The following TMPRSS15 variants were observed in gnomAD, a reference collection of about 807,000 sequenced individuals.
TMPRSS15 encodes the protein enteropeptidase.
Under a neutral mutation model 125.3 loss-of-function variants are expected in TMPRSS15, and 128 were observed. The ratio of observed to expected loss-of-function variants is 1.02; its 90% CI spans 0.89 to 1.18. TMPRSS15 has a LOEUF of 1.18. Among genes scored for constraint, TMPRSS15 ranks in the 50% most tolerant of loss-of-function variants. TMPRSS15 has a pLI of 0.00. For missense variants in TMPRSS15, 1,283 were observed against 1,212.7 expected (o/e 1.06, Z -0.86); for synonymous variants, 446 against 423.2 (o/e 1.05, Z -0.66).
At chr21:18,319,275 A>G (rs1446829139) in intron 16 of TMPRSS15, among the ~76,000 whole-genome samples, 1 of 152,118 alleles carries the variant, frequency 6.6e-6, no homozygotes, top group Non-Finnish European at 1.5e-5. Flanking sequence ...AGGAGTAAAT[A>G]CTACTTTTGT....
intron 13 of TMPRSS15, among the ~76,000 whole-genome samples, chr21:18,339,529 T>A (rs1209094411): frequency 6.6e-6 from 1 of 152,102 alleles, no homozygotes; most frequent in East Asian, 1.9e-4. Flanking sequence ...TATAATTTGG[T>A]AAAAGTATTA....
intron 16 of TMPRSS15, among the ~76,000 whole-genome samples, chr21:18,317,514 T>A (rs920209811): frequency 4.2e-4 from 64 of 152,104 alleles, no homozygotes; most frequent in African/African-American, 1.5e-3. Context: ...AATCAATTCC[T>A]AATTGAGTTG....
chr21:18,275,776 A>G (rs141609553), intron 23 of TMPRSS15, among the ~76,000 whole-genome samples: 182 of 152,300 alleles, frequency 1.2e-3, no homozygotes, highest in African/African-American at 3.2e-3. Context: ...TTGTGGTGCT[A>G]TGTGAGTGAG....
intron 17 of TMPRSS15, among the ~76,000 whole-genome samples, chr21:18,314,421 G>A (rs2075135783): frequency 1.3e-5 from 2 of 152,090 alleles, no homozygotes; most frequent in Non-Finnish European, 1.5e-5. Context: ...TGGGATTACA[G>A]GCACCCACCA....
intron 10 of TMPRSS15, 86 bp from the exon 11 acceptor site, chr21:18,344,146 A>C: frequency 8.9e-7 from 1 of 1,119,510 alleles, no homozygotes; most frequent in Non-Finnish European, 1.3e-6. Context: ...AGGAAAGAAA[A>C]ACTTTAAGAA....
intron 1 of TMPRSS15, among the ~76,000 whole-genome samples, chr21:18,458,729 T>C (rs1978490091): frequency 6.6e-6 from 1 of 152,224 alleles, no homozygotes; most frequent in East Asian, 1.9e-4. Context: ...ATAACACCCA[T>C]AGAAGAGAAT....
At chr21:18,310,116 G>A (rs2075083582) in intron 18 of TMPRSS15, among the ~76,000 whole-genome samples, 1 of 152,016 alleles carries the variant, frequency 6.6e-6, no homozygotes, top group Non-Finnish European at 1.5e-5. Flanking sequence ...ATATTAACAG[G>A]AAAAAGTTGA....
chr21:18,417,050 G>C (rs1335683514), intron 1 of TMPRSS15, among the ~76,000 whole-genome samples: 3 of 151,956 alleles, frequency 2.0e-5, no homozygotes, highest in Non-Finnish European at 4.4e-5. Flanking sequence ...TTTTAACTGT[G>C]CTTGAATATC....
At chr21:18,373,964 G>A (rs1218833517) in intron 5 of TMPRSS15, among the ~76,000 whole-genome samples, 1 of 152,202 alleles carries the variant, frequency 6.6e-6, no homozygotes, top group Admixed American at 6.5e-5. Context: ...GAAGCTTCAA[G>A]TTAAGTGGGG....
chr21:18,434,211 T>C (rs990063997), intron 1 of TMPRSS15, among the ~76,000 whole-genome samples: 8 of 152,198 alleles, frequency 5.3e-5, no homozygotes, highest in African/African-American at 1.9e-4. Flanking sequence ...AATCTATACC[T>C]GCAGCTACAT....
intron 13 of TMPRSS15, 43 bp downstream of exon 13, chr21:18,341,370 G>A (rs1177357572): frequency 8.7e-6 from 14 of 1,612,802 alleles, no homozygotes; most frequent in South Asian, 2.2e-5. Context: ...CACACCTGAC[G>A]TTAATGATTT....
At chr21:18,451,384 CT>C (rs763949920) in intron 1 of TMPRSS15, among the ~76,000 whole-genome samples, 77 of 147,942 alleles carry the variant, frequency 5.2e-4, no homozygotes, top group African/African-American at 1.5e-3. Context: ...TTTGTCTGCC[CT>C]TTTTTTTTTG....
chr21:18,429,449 A>G (rs2076211618), intron 1 of TMPRSS15, among the ~76,000 whole-genome samples: 1 of 152,142 alleles, frequency 6.6e-6, no homozygotes, highest in South Asian at 2.1e-4. Flanking sequence ...CTTGAATTAT[A>G]CTCCCATAAT....
Position 18,275,222 on chromosome 21 carries a change from T to A in TMPRSS15, c.2879A>T (p.Glu960Val). The A allele has an allele frequency of 2.5e-6, 4 of 1,614,070 alleles. No individual in the cohort carries two copies. Among genetic ancestry groups the A allele is most frequent in the Non-Finnish European group, 3.4e-6 (4 of 1,179,978 alleles). ...ITENMICAGY[E>V]EGGIDSCQGD... The stretch of plus-strand genomic sequence containing the variant: ...CTGACAAGAATCTATTCCTCCTTCT[T>A]CATAGCCTGCACATATCATATTTTC... Residue 960 changes from glutamate to valine, a missense_variant, in exon 24 of 25, where the codon GAA becomes GTA. Physicochemically the swap from Glu to Val is moderately radical, Grantham distance 121 (BLOSUM62 -2). Coordinates refer to ENST00000284885, the MANE Select transcript of TMPRSS15 (RefSeq NM_002772.3).
chr21:18,398,471 G>T, intron 1 of TMPRSS15, 142 bp from the exon 2 acceptor site: 1 of 812,266 alleles, frequency 1.2e-6, no homozygotes, highest in Non-Finnish European at 2.0e-6. Flanking sequence ...GTAGTCTCAT[G>T]TTTCAAAATC....
At chr21:18,353,915 CTCTA>C in intron 8 of TMPRSS15, 52 bp from the exon 9 acceptor site, 1 of 1,539,268 alleles carries the variant, frequency 6.5e-7, no homozygotes. Context: ...CTGTTCATCT[CTCTA>C]TCCATCCATC....
At chr21:18,453,067 C>T (rs1254760625) in intron 1 of TMPRSS15, among the ~76,000 whole-genome samples, 1 of 152,134 alleles carries the variant, frequency 6.6e-6, no homozygotes, top group Non-Finnish European at 1.5e-5. Context: ...ACAACTGAAA[C>T]TTTATATCTT....
chr21:18,342,907 T>G (rs1415399216), intron 12 of TMPRSS15, among the ~76,000 whole-genome samples: 1 of 152,190 alleles, frequency 6.6e-6, no homozygotes, highest in Non-Finnish European at 1.5e-5. Context: ...ATTAATTTGG[T>G]CAAACTAATA....
intron 1 of TMPRSS15, among the ~76,000 whole-genome samples, chr21:18,478,652 TGA>T (rs889232496): frequency 6.6e-5 from 10 of 152,010 alleles, no homozygotes; most frequent in African/African-American, 2.4e-4. Context: ...CTCTAATCTG[TGA>T]GAGTTTCTCA....
Sources: gnomAD v4.1 joint callset for allele counts (sites outside exome capture counted in the v4.1 genomes callset) on GRCh38, gnomAD v4.1.1 for gene constraint, MANE v1.5 for transcripts, NCBI Gene and HGNC (gene_info 2026-07-23, HGNC 2026-07-21) for gene names.